The following LRP1B variants were observed in gnomAD, a reference collection of about 807,000 sequenced individuals.
LRP1B encodes the protein low-density lipoprotein receptor-related protein 1B.
LRP1B carries 217 observed loss-of-function variants against 556.6 expected under a neutral mutation model. That is an observed-to-expected ratio of 0.39 (90% CI 0.35 to 0.44). The LOEUF (loss-of-function observed/expected upper bound fraction) is 0.44, where lower values mean the gene tolerates loss of function less well. Among genes scored for constraint, LRP1B ranks in the 20% least tolerant of loss-of-function variants. LRP1B has a pLI of 1.00. For missense variants in LRP1B, 5,053 were observed against 5,620.8 expected, an observed-to-expected ratio of 0.90 and a Z score of 3.23; for synonymous variants, 2,047 against 1,865.8, an observed-to-expected ratio of 1.10 and a Z score of -2.50.
chr2:140,774,079 C>A (rs1689409465), intron 33 of LRP1B, among the ~76,000 whole-genome samples: 1 of 151,968 alleles, frequency 6.6e-6, no homozygotes, highest in Non-Finnish European at 1.5e-5. Context: ...ACTTTGAAAT[C>A]CAAATAGGTA....
At chr2:140,773,082 C>T (rs1689371667) in intron 33 of LRP1B, among the ~76,000 whole-genome samples, 1 of 151,882 alleles carries the variant, frequency 6.6e-6, no homozygotes, top group African/African-American at 2.4e-5. Flanking sequence ...CAGAGTGAGA[C>T]TGTCTCAACA....
intron 49 of LRP1B, among the ~76,000 whole-genome samples, chr2:140,524,022 T>C (rs953009342): frequency 1.2e-4 from 18 of 151,474 alleles, no homozygotes; most frequent in African/African-American, 4.4e-4. Context: ...AAAAAAACTA[T>C]CAACAGAGTA....
rs1266713467 is a variant in LRP1B at position 140,950,373 on chromosome 2, C to T, written c.2998G>A (p.Val1000Met). 6.2e-7 allele frequency: 1 copy of T among 1,611,082 alleles called. No homozygotes were observed. Among genetic ancestry groups the T allele is most frequent in the Admixed American group, 1.7e-5 (1 of 59,452 alleles). ...TCAAAGCAAGAGTGAACACAGCCCACCTCATCACTCCCGTCCCCACAGTCG... is the reference window on the plus strand; with the variant it reads ...TCAAAGCAAGAGTGAACACAGCCCATCTCATCACTCCCGTCCCCACAGTCG... ...DDDCGDGSDE[V>M]GCVHSCFDNQ... is the part of the protein sequence containing the mutation. The change falls in exon 20 of 91, where the codon GTG becomes ATG. Residue 1000 changes from valine to methionine, a missense_variant. By Grantham distance (21) the Val-to-Met change is conservative. Transcript: ENST00000389484.
chr2:141,735,284 G>C (rs938240753), intron 2 of LRP1B, among the ~76,000 whole-genome samples: 5 of 151,612 alleles, frequency 3.3e-5, no homozygotes, highest in African/African-American at 9.7e-5. Context: ...AGATGGCATG[G>C]CATAAGAGAT....
intron 1 of LRP1B, among the ~76,000 whole-genome samples, chr2:141,826,460 C>A (rs962395137): frequency 3.3e-5 from 5 of 149,512 alleles, no homozygotes; most frequent in Non-Finnish European, 5.9e-5. Flanking sequence ...CCTGGGTTCA[C>A]GCCATTCTCC....
intron 3 of LRP1B, among the ~76,000 whole-genome samples, chr2:141,413,856 G>C (rs1478534693): frequency 1.3e-5 from 2 of 151,648 alleles, no homozygotes; most frequent in Non-Finnish European, 2.9e-5. Flanking sequence ...CCCAACCTGG[G>C]TGACACAGTG....
In LRP1B at chr2:141,028,435, C is replaced by T. The variant is rs139076723; in HGVS notation, c.1790-8333G>A. ...GAAAGACTAGGAAAGTGTGTTAAGA[C>T]GGGTGTATTATGTGTAATCTAAAAA... On this transcript the variant is annotated intron_variant, in intron 11 of 90. Coordinates refer to ENST00000389484, the MANE Select transcript of LRP1B (RefSeq NM_018557.3). Among the ~76,000 whole-genome samples, 729 of 151,570 alleles carry T rather than the reference C, an allele frequency of 4.8e-3. 7 individuals are homozygous for T. Among genetic ancestry groups the T allele is most frequent in the African/African-American group, 0.016 (671 of 41,400 alleles).
intron 15 of LRP1B, among the ~76,000 whole-genome samples, chr2:141,003,064 G>A (rs945147881): frequency 2.0e-5 from 3 of 151,824 alleles, no homozygotes; most frequent in Non-Finnish European, 4.4e-5. Context: ...ACCTAAAGAA[G>A]ATGTAACAAT....
intron 7 of LRP1B, among the ~76,000 whole-genome samples, chr2:141,184,755 GA>G (rs1229886061): frequency 2.0e-5 from 3 of 151,388 alleles, no homozygotes; most frequent in African/African-American, 4.8e-5. Flanking sequence ...CGATGGGTAA[GA>G]AAAAAGGTTC....
chr2:141,686,634 A>C (rs569391606), intron 2 of LRP1B, among the ~76,000 whole-genome samples: 1 of 152,086 alleles, frequency 6.6e-6, no homozygotes, highest in East Asian at 1.9e-4. Context: ...CTTTACTCTC[A>C]GACAAATCAT....
chr2:141,640,279 T>C (rs1187263847), intron 2 of LRP1B, among the ~76,000 whole-genome samples: 1 of 152,180 alleles, frequency 6.6e-6, no homozygotes, highest in Non-Finnish European at 1.5e-5. Context: ...AATGATTACT[T>C]TTATTTTGAA....
intron 7 of LRP1B, among the ~76,000 whole-genome samples, chr2:141,158,162 T>C (rs968499306): frequency 1.7e-4 from 26 of 152,088 alleles, no homozygotes; most frequent in African/African-American, 6.0e-4. Flanking sequence ...CATTAATATA[T>C]TTTTTTCTCT....
At chr2:141,742,583 A>G (rs1182212921) in intron 2 of LRP1B, among the ~76,000 whole-genome samples, 2 of 152,094 alleles carry the variant, frequency 1.3e-5, no homozygotes, top group African/African-American at 4.8e-5. Context: ...TTTGCTCAGT[A>G]AAGCTTTAGC....
intron 20 of LRP1B, among the ~76,000 whole-genome samples, chr2:140,927,308 C>G (rs1385837076): frequency 6.6e-6 from 1 of 151,998 alleles, no homozygotes; most frequent in East Asian, 1.9e-4. Context: ...CTGTCTCACA[C>G]AAATAAATGG....
At chr2:140,414,721 G>A (rs977887992) in intron 66 of LRP1B, among the ~76,000 whole-genome samples, 1 of 152,066 alleles carries the variant, frequency 6.6e-6, no homozygotes, top group African/African-American at 2.4e-5. Flanking sequence ...GTCACCTCAG[G>A]ACCACTGTGA....
intron 2 of LRP1B, among the ~76,000 whole-genome samples, chr2:141,599,302 C>G (rs1361318366): frequency 1.3e-5 from 2 of 151,680 alleles, no homozygotes; most frequent in Non-Finnish European, 2.9e-5. Context: ...TTTTAATTTC[C>G]CTATTCAACA....
chr2:140,332,401 T>TA (rs1373525135), intron 79 of LRP1B, among the ~76,000 whole-genome samples: 1 of 152,020 alleles, frequency 6.6e-6, no homozygotes, highest in Non-Finnish European at 1.5e-5. Flanking sequence ...GAATGGGTAA[T>TA]ACATGGAAAG....
At chr2:141,553,225 T>C (rs568041226) in intron 2 of LRP1B, among the ~76,000 whole-genome samples, 7 of 152,056 alleles carry the variant, frequency 4.6e-5, no homozygotes, top group East Asian at 3.9e-4. Context: ...GAGGGCGTTT[T>C]CTAAGATCAA....
At chr2:141,423,943 G>A (rs1199703548) in intron 3 of LRP1B, among the ~76,000 whole-genome samples, 1 of 151,800 alleles carries the variant, frequency 6.6e-6, no homozygotes, top group East Asian at 1.9e-4. Context: ...CTTGCTGTGT[G>A]TCTCAGTATC....
Sources: allele counts gnomAD v4.1 joint callset (sites outside exome capture counted in the v4.1 genomes callset), GRCh38; gene constraint gnomAD v4.1.1; transcripts MANE v1.5; gene names NCBI Gene and HGNC (gene_info 2026-07-23, HGNC 2026-07-21).